ATP13A3: variants seen among roughly 807,000 people sequenced by gnomAD.
ATP13A3 encodes ATPase 13A3.
A neutral mutation model predicts 158.1 loss-of-function variants in ATP13A3; 59 were observed. The observed-to-expected ratio is 0.37, with a 90% CI of 0.30 to 0.46. ATP13A3 has a LOEUF of 0.46. Ranked by LOEUF, ATP13A3 falls within the 20% of genes least tolerant of loss-of-function variation. The pLI, the probability that ATP13A3 is intolerant of heterozygous loss-of-function variation, is 1.00. For synonymous variants in ATP13A3, 491 were observed against 504.3 expected, an observed-to-expected ratio of 0.97 and a Z score of 0.35; for missense variants, 1,166 against 1,525.2, an observed-to-expected ratio of 0.76 and a Z score of 3.92.
chr3:194,407,484 G>A (rs1349963939), intron 33 of ATP13A3, among the ~76,000 whole-genome samples: 1 of 152,164 alleles, frequency 6.6e-6, no homozygotes, highest in East Asian at 1.9e-4. Flanking sequence ...TAACTTGGTA[G>A]CTCTTTCTCA....
chr3:194,438,200 G>A (rs1469148261), intron 17 of ATP13A3, among the ~76,000 whole-genome samples: 2 of 151,924 alleles, frequency 1.3e-5, no homozygotes, highest in African/African-American at 4.8e-5. Context: ...AATATAAACA[G>A]GAAGGAAAAT....
chr3:194,420,705 C>T (rs1213870411), intron 30 of ATP13A3, among the ~76,000 whole-genome samples: 1 of 151,140 alleles, frequency 6.6e-6, no homozygotes, highest in Non-Finnish European at 1.5e-5. Flanking sequence ...TGGCCATTTT[C>T]TTAAGTGTGT....
At position 194,459,524 on chromosome 3, in the gene ATP13A3, G is replaced by T; in HGVS notation, c.426C>A (p.His142Gln). Residue 142 changes from histidine to glutamine, a missense_variant, in exon 6 of 34, where the codon CAC becomes CAA. His to Gln is a conservative substitution (Grantham distance 24, BLOSUM62 0). Around this residue, in one of 3 missense-constraint regions of ATP13A3, gnomAD observed 104 missense variants for 91.7 expected, o/e 1.13. Coordinates refer to ENST00000645319, the MANE Select transcript of ATP13A3 (RefSeq NM_001367549.1). ...TESQQIRYFT[H>Q]HSVKYFWNDT... is the part of the protein sequence containing the mutation. The stretch of plus-strand genomic sequence containing the variant: ...CATTCCAGAAATATTTTACACTATG[G>T]TGGGTGAAATAACGAATCTGTGGAA... 6.2e-7 allele frequency: 1 copy of T among 1,604,366 alleles called. No homozygotes were observed. Among genetic ancestry groups the T allele is most frequent in the Non-Finnish European group, 8.5e-7 (1 of 1,171,908 alleles).
intron 2 of ATP13A3, among the ~76,000 whole-genome samples, chr3:194,479,989 G>A (rs748341413): frequency 1.3e-4 from 20 of 151,990 alleles, no homozygotes; most frequent in Non-Finnish European, 2.1e-4. Context: ...AGATTGTTTT[G>A]GACATAAAAA....
chr3:194,410,794 T>C (rs1328558897), intron 33 of ATP13A3, among the ~76,000 whole-genome samples: 1 of 152,030 alleles, frequency 6.6e-6, no homozygotes, highest in African/African-American at 2.4e-5. Flanking sequence ...TGGGAGAATA[T>C]GAAAAATCGG....
At chr3:194,491,653 C>T (rs1208385372), upstream of ATP13A3, among the ~76,000 whole-genome samples, 2 of 77,112 alleles carry the variant, frequency 2.6e-5, no homozygotes, top group Non-Finnish European at 2.5e-5. Flanking sequence ...CATGTCCCCT[C>T]CATCTCTCAC....
intron 2 of ATP13A3, among the ~76,000 whole-genome samples, chr3:194,472,932 TA>T (rs1487277949): frequency 6.6e-6 from 1 of 152,098 alleles, no homozygotes; most frequent in Non-Finnish European, 1.5e-5. Flanking sequence ...TTCTCACTTG[TA>T]AGTGGGATCT....
At chr3:194,491,530 T>A (rs1248466364), upstream of ATP13A3, among the ~76,000 whole-genome samples, 1 of 141,028 alleles carries the variant, frequency 7.1e-6, no homozygotes, top group Non-Finnish European at 1.5e-5. Context: ...GCATGTCCCC[T>A]CCACTCTCAC....
Position 194,435,934 on chromosome 3 carries a change from T to C in ATP13A3, c.2120+1161A>G, listed in dbSNP as rs532455850. 3.3e-5 allele frequency among the ~76,000 whole-genome samples: 5 copies of C among 152,134 alleles called. No homozygotes were observed. In the East Asian group the frequency reaches 5.8e-4, roughly 18 times the overall value. On this transcript the variant is annotated intron_variant, in intron 20 of 33. Coordinates refer to ENST00000645319, the MANE Select transcript of ATP13A3 (RefSeq NM_001367549.1). ...AAGAAAAAAAAAGAACTGTAGGCAA[T>C]TCAGTAATTAGTGTTTATGGGGGAA...
chr3:194,427,313 C>G, intron 28 of ATP13A3, 61 bp from the exon 29 acceptor site: 1 of 1,401,714 alleles, frequency 7.1e-7, no homozygotes, highest in Middle Eastern at 1.8e-4. Context: ...CTATATAAGG[C>G]ATAACTAGAT....
chr3:194,459,995 G>GT, intron 4 of ATP13A3, 24 bp from the exon 5 acceptor site: 1 of 1,559,526 alleles, frequency 6.4e-7, no homozygotes, highest in Non-Finnish European at 8.7e-7. Flanking sequence ...AGGGATAACG[G>GT]TAAGGAGTCA....
rs1449817529 is a variant in ATP13A3 at position 194,406,022 on chromosome 3, T to C, written c.3668A>G (p.Glu1223Gly). The change falls in exon 34 of 34, where the codon GAG becomes GGG. Residue 1223 changes from glutamate to glycine, a missense_variant. Coordinates refer to ENST00000645319, the MANE Select transcript of ATP13A3 (RefSeq NM_001367549.1). ...TGGCCATTCTGGATCAACCAAGAGC[T>C]CCTGCGCCAGATACATGTACTTTGC... ...PKAKYMYLAQ[E>G]LLVDPEWPPK... The C allele has an allele frequency of 1.9e-6, 3 of 1,614,082 alleles. No individual in the cohort carries two copies. Among genetic ancestry groups the C allele is most frequent in the Non-Finnish European group, 2.5e-6 (3 of 1,180,044 alleles).
chr3:194,479,139 T>C (rs895482837), intron 2 of ATP13A3, among the ~76,000 whole-genome samples: 1 of 152,174 alleles, frequency 6.6e-6, no homozygotes, highest in African/African-American at 2.4e-5. Flanking sequence ...TCTGACTAAA[T>C]TAATGAGCTT....
Position 194,431,711 on chromosome 3 carries a change from C to A in ATP13A3, c.2421+6G>T. 1 of 1,542,802 alleles carries A rather than the reference C, an allele frequency of 6.5e-7. No homozygotes were observed. The highest frequency in any genetic ancestry group is 8.7e-7 in the Non-Finnish European group (1 of 1,146,058). Reference sequence around the variant, plus strand: ...CTTTAAAACGGACAGTCGATCTTGACCTTACCTCTGGGTCAATTGCTGATG... The same window carrying A: ...CTTTAAAACGGACAGTCGATCTTGAACTTACCTCTGGGTCAATTGCTGATG... On this transcript the variant is annotated splice_donor_region_variant and intron_variant, in intron 22 of 33. Transcript: ENST00000645319.
chr3:194,477,311 A>T (rs1720568080), intron 2 of ATP13A3, among the ~76,000 whole-genome samples: 1 of 152,198 alleles, frequency 6.6e-6, no homozygotes, highest in Non-Finnish European at 1.5e-5. Context: ...TAAAAACCTT[A>T]AAGGCTGGGA....
chr3:194,433,620 C>G, intron 21 of ATP13A3, 152 bp downstream of exon 21: 3 of 925,498 alleles, frequency 3.2e-6, no homozygotes, highest in Non-Finnish European at 4.6e-6. Context: ...AGTTATCTTG[C>G]GCTTGGGAAA....
chr3:194,466,451 G>A (rs1577085671), intron 2 of ATP13A3, among the ~76,000 whole-genome samples: 1 of 152,180 alleles, frequency 6.6e-6, no homozygotes, highest in Non-Finnish European at 1.5e-5. Context: ...ACTAATCAAG[G>A]AACTTAATAA....
At chr3:194,412,067 G>T in intron 33 of ATP13A3, 132 bp downstream of exon 33, 1 of 650,326 alleles carries the variant, frequency 1.5e-6, no homozygotes, top group Non-Finnish European at 2.5e-6. Flanking sequence ...AAGGCTGAAG[G>T]AACACGTAAT....
chr3:194,450,311 G>C (rs1298407324), intron 10 of ATP13A3, 35 bp from the exon 11 acceptor site: 1 of 1,580,924 alleles, frequency 6.3e-7, no homozygotes, highest in Non-Finnish European at 8.7e-7. Context: ...ATCTGAAAAA[G>C]ATATTCTTTA....
Sources: gnomAD v4.1 joint callset for allele counts (sites outside exome capture counted in the v4.1 genomes callset) on GRCh38, gnomAD v4.1.1 for gene constraint, gnomAD v4.1.1 regional missense constraint, MANE v1.5 for transcripts, NCBI Gene and HGNC (gene_info 2026-07-23, HGNC 2026-07-21) for gene names.